The following RBM45 variants were observed in gnomAD, a reference collection of about 807,000 sequenced individuals.
RBM45 encodes the protein RNA-binding protein 45.
RBM45 carries 39 observed loss-of-function variants against 58.5 expected under a neutral mutation model. The ratio of observed to expected loss-of-function variants is 0.67; its 90% CI spans 0.52 to 0.87. The LOEUF (loss-of-function observed/expected upper bound fraction) is 0.87, where lower values mean the gene tolerates loss of function less well. Among genes scored for constraint, RBM45 ranks in the 40% least tolerant of loss-of-function variants. The probability of loss-of-function intolerance (pLI) is 0.00; values close to 1 mark genes in which losing one functional copy is unlikely to be tolerated. For synonymous variants in RBM45, 193 were observed against 203.0 expected, an observed-to-expected ratio of 0.95 and a Z score of 0.42; for missense variants, 481 against 581.6, an observed-to-expected ratio of 0.83 and a Z score of 1.78.
chr2:178,116,113 C>T, intron 1 of RBM45, 149 bp from the exon 2 acceptor site: 3 of 938,648 alleles, frequency 3.2e-6, no homozygotes, highest in South Asian at 3.7e-5. Context: ...GATCACACCA[C>T]TGCACTGCAG....
rs776310041 is a variant in RBM45, at chr2:178,112,858, C to A, written c.300+12C>A. ...CCAAGCCCATCAAGGTGCGGGTGCC[C>A]GGGTCGGGGTGCCCTCGGGGGAAGG... On this transcript the variant is annotated intron_variant, in intron 1 of 9. Transcript: ENST00000286070. 4 of 1,598,218 alleles carry A rather than the reference C, an allele frequency of 2.5e-6. No individual in the cohort carries two copies. In the East Asian group the frequency reaches 6.8e-5, roughly 27 times the overall value.
downstream of RBM45, among the ~76,000 whole-genome samples, chr2:178,131,727 A>G (rs1559083377): frequency 1.3e-5 from 2 of 152,132 alleles, no homozygotes; most frequent in African/African-American, 2.4e-5. Context: ...TCCCAATTGC[A>G]TGTCTCAGTA....
In RBM45 at chr2:178,121,403, T is replaced by TACAC. The variant is rs55710214; in HGVS notation, c.853+82_853+85dup. ...TAAAAAATATATATATATGTATATA[T>TACAC]ACACACACACACACACACACACACA... is the stretch of plus-strand genomic sequence containing the variant. On this transcript the variant is annotated intron_variant, in intron 5 of 9. Transcript: ENST00000286070. The TACAC allele has an allele frequency of 6.7e-4, 397 of 593,386 alleles. 2 individuals carry two copies. The highest frequency in any genetic ancestry group is 3.5e-3 in the African/African-American group (169 of 48,772). The allele number at this position is 593,386 out of a possible 1,614,324, so 36.8% of individuals were successfully genotyped here. A position where few individuals can be genotyped will look rare whatever the true frequency, so the allele number is the denominator to read the frequency against.
chr2:178,116,726 G>A (rs1287484126), intron 2 of RBM45, among the ~76,000 whole-genome samples: 1 of 152,094 alleles, frequency 6.6e-6, no homozygotes, highest in Non-Finnish European at 1.5e-5. Flanking sequence ...CCAGGCTGTC[G>A]GAGTCTGGAG....
chr2:178,129,971 A>G (rs1489016855), downstream of RBM45, among the ~76,000 whole-genome samples: 1 of 152,222 alleles, frequency 6.6e-6, no homozygotes, highest in Non-Finnish European at 1.5e-5. Flanking sequence ...AGACAAAATC[A>G]TTGGAAATAT....
At chr2:178,126,396 T>C (rs1050787363) in intron 9 of RBM45, among the ~76,000 whole-genome samples, 1 of 152,212 alleles carries the variant, frequency 6.6e-6, no homozygotes, top group Non-Finnish European at 1.5e-5. Context: ...TTTAGAAAGA[T>C]AAATAATTGT....
intron 9 of RBM45, 52 bp downstream of exon 9, chr2:178,126,236 A>C: frequency 8.0e-6 from 10 of 1,246,708 alleles, no homozygotes; most frequent in Non-Finnish European, 1.1e-5. Flanking sequence ...ATAGTATATG[A>C]GGAATATGTG....
rs917182969 is a variant in RBM45, at chr2:178,129,382, G to A, written c.*9-15G>A. 6.6e-6 allele frequency: 1 copy of A among 152,466 alleles called. No individual in the cohort carries two copies. The highest frequency in any genetic ancestry group is 2.1e-4 in the South Asian group (1 of 4,816). 9.4% of individuals were successfully genotyped at this position (152,466 alleles called of 1,614,324 possible). A position where few individuals can be genotyped will look rare whatever the true frequency, so the allele number is the denominator to read the frequency against. ...AGGTGATGATTTTCATACTTGTGTTGTGTTCTTTCTACAGAACAAAGACTA... is the reference window on the plus strand; with the variant it reads ...AGGTGATGATTTTCATACTTGTGTTATGTTCTTTCTACAGAACAAAGACTA... On this transcript the variant is annotated splice_polypyrimidine_tract_variant and intron_variant, in intron 9 of 9. Coordinates refer to ENST00000286070, the MANE Select transcript of RBM45 (RefSeq NM_152945.4).
chr2:178,126,003 G>A lies in RBM45; in HGVS notation c.1252G>A (p.Glu418Lys). Residue 418 changes from glutamate (E) to lysine (K), a missense_variant, in exon 9 of 10, where the codon GAA (glutamate) becomes AAA (lysine). By Grantham distance (56) the Glu-to-Lys change is moderately conservative. Transcript: ENST00000286070. ...DIFCRFGNLI[E>K]VYLVSGKNVG... ...TTTCAGTCGTTTTGGTAACCTGATC[G>A]AAGTTTACCTTGTGTCAGGAAAAAA... 1.2e-6 allele frequency: 2 copies of A among 1,613,100 alleles called. No homozygotes were observed. Among genetic ancestry groups the A allele is most frequent in the Non-Finnish European group, 1.7e-6 (2 of 1,179,604 alleles).
chr2:178,138,984 G>A (rs1192786241), exon 4 of RBM45: 1 of 149,890 alleles, frequency 6.7e-6, no homozygotes, highest in Non-Finnish European at 1.5e-5. Context: ...GTCTGTTAAG[G>A]TGCTTAATAA....
chr2:178,112,863 C>A lies in RBM45; in HGVS notation c.300+17C>A. ...CCCATCAAGGTGCGGGTGCCCGGGT[C>A]GGGGTGCCCTCGGGGGAAGGAGTGG... On this transcript the variant is annotated intron_variant, in intron 1 of 9. Coordinates refer to ENST00000286070, the MANE Select transcript of RBM45 (RefSeq NM_152945.4). 1.3e-6 allele frequency: 2 copies of A among 1,597,384 alleles called. No individual in the cohort carries two copies. The highest frequency in any genetic ancestry group is 2.2e-5 in the South Asian group (2 of 90,474).
chr2:178,132,960 G>T (rs927873261), downstream of RBM45, among the ~76,000 whole-genome samples: 1 of 152,166 alleles, frequency 6.6e-6, no homozygotes, highest in African/African-American at 2.4e-5. Context: ...AGGTATACTG[G>T]TTCTGCAGGT....
chr2:178,121,383 AATAT>A, intron 5 of RBM45, 24 bp downstream of exon 5: 1 of 1,118,842 alleles, frequency 8.9e-7, no homozygotes, highest in African/African-American at 1.7e-5. Flanking sequence ...CACATTAAAA[AATAT>A]ATATATATGT....
chr2:178,122,258 G>T (rs560249729), intron 5 of RBM45, among the ~76,000 whole-genome samples: 1 of 152,162 alleles, frequency 6.6e-6, no homozygotes, highest in East Asian at 1.9e-4. Context: ...TGTTAGTGAG[G>T]GGTGGTAGAG....
rs1209594984 is a variant in RBM45 at position 178,116,148 on chromosome 2, C to T, written c.301-114C>T. 21 of 1,306,890 alleles carry T rather than the reference C, an allele frequency of 1.6e-5. No individual in the cohort carries two copies. In the East Asian group the frequency reaches 3.1e-4, roughly 20 times the overall value. The allele number at this position is 1,306,890 out of a possible 1,614,324, so 81.0% of individuals were successfully genotyped here. ...GCCTGCTTTTTTTTTTCTTTGAGAC[C>T]CTGTCTCAAAGATTAAAAAAAAGTC... On this transcript the variant is annotated intron_variant, in intron 1 of 9. Transcript: ENST00000286070.
chr2:178,123,696 C>T, intron 6 of RBM45, 45 bp downstream of exon 6: 1 of 1,587,766 alleles, frequency 6.3e-7, no homozygotes, highest in Non-Finnish European at 8.6e-7. Flanking sequence ...TTTGAGTGTA[C>T]ATGATTGATA....
intron 5 of RBM45, among the ~76,000 whole-genome samples, 158 bp downstream of exon 5, chr2:178,121,517 C>T (rs1025569335): frequency 1.3e-5 from 2 of 151,572 alleles, no homozygotes; most frequent in African/African-American, 4.9e-5. Flanking sequence ...GGAATTTTAT[C>T]TTTCCTTTTT....
chr2:178,114,591 TTC>T (rs1337927906), intron 1 of RBM45, among the ~76,000 whole-genome samples: 2 of 152,112 alleles, frequency 1.3e-5, no homozygotes, highest in Non-Finnish European at 2.9e-5. Flanking sequence ...TAGTTTCTGT[TTC>T]TTTTTCTTTT....
At chr2:178,135,419 A>G (rs1019010436) in intron 3 of RBM45, among the ~76,000 whole-genome samples, 1 of 152,246 alleles carries the variant, frequency 6.6e-6, no homozygotes, top group Non-Finnish European at 1.5e-5. Context: ...AGAAATTCCT[A>G]ACAGGACTCA....
Sources: gnomAD v4.1 joint callset for allele counts (sites outside exome capture counted in the v4.1 genomes callset) on GRCh38, gnomAD v4.1.1 for gene constraint, MANE v1.5 for transcripts, NCBI Gene and HGNC (gene_info 2026-07-23, HGNC 2026-07-21) for gene names.